Variants in ANKS1A observed in about 807,000 individuals in gnomAD.
ANKS1A encodes the protein ankyrin repeat and SAM domain-containing protein 1A.
Under a neutral mutation model 120.3 loss-of-function variants are expected in ANKS1A, and 55 were observed. That is an observed-to-expected ratio of 0.46 (90% CI 0.37 to 0.57). ANKS1A has a LOEUF of 0.57. Ranked by LOEUF, ANKS1A falls within the 20% of genes least tolerant of loss-of-function variation. The pLI is 0.00. For synonymous variants in ANKS1A, 590 were observed against 604.7 expected (o/e 0.98, Z 0.36); for missense variants, 1,123 against 1,480.3 (o/e 0.76, Z 3.96).
chr6:35,047,562 C>G (rs1775771152), intron 11 of ANKS1A, among the ~76,000 whole-genome samples: 1 of 152,190 alleles, frequency 6.6e-6, no homozygotes, highest in Admixed American at 6.5e-5. Context: ...CCCCACCATG[C>G]CTGGGTGAAA....
Position 35,083,188 on chromosome 6 carries a change from G to A in ANKS1A, c.2869G>A (p.Gly957Arg), listed in dbSNP as rs1561967086. The change falls in exon 19 of 24, where the codon GGG (glycine) becomes AGG (arginine). Residue 957 changes from glycine to arginine, a missense_variant. Gly to Arg is a moderately radical substitution (Grantham distance 125). Coordinates refer to ENST00000360359, the MANE Select transcript of ANKS1A (RefSeq NM_015245.3). ...LGSMLIKDLR[G>R]TESTQDACAK... ...CTCCATGCTGATCAAAGATCTGCGA[G>A]GGACAGAATCCACGCAAGACGCCTG... The A allele has an allele frequency of 6.2e-7, 1 of 1,614,142 alleles. No individual in the cohort carries two copies.
At chr6:34,976,458 C>A (rs1211003202) in intron 3 of ANKS1A, among the ~76,000 whole-genome samples, 1 of 152,096 alleles carries the variant, frequency 6.6e-6, no homozygotes, top group Admixed American at 6.6e-5. Flanking sequence ...CTTAACAATT[C>A]TTCCTTAGTC....
chr6:34,935,652 A>G lies in ANKS1A; in HGVS notation c.198-31587A>G, dbSNP rs546861322. On this transcript the variant is annotated intron_variant, in intron 1 of 23. Coordinates refer to ENST00000360359, the MANE Select transcript of ANKS1A (RefSeq NM_015245.3). ...ATGTATTGCTAAAGGCCGAGTGGAT[A>G]AAATACACAACAGCTTTATAATATT... Among the ~76,000 whole-genome samples the G allele has an allele frequency of 3.3e-5, 5 of 152,356 alleles. No individual in the cohort carries two copies. In the East Asian group the frequency reaches 9.6e-4, roughly 29 times the overall value.
rs1772001986 is a variant in ANKS1A, at chr6:34,983,308, T to G, written c.911-16T>G. ...TGCAGCACTTTTTATTTTTATTTTT[T>G]GATCTTTCCATGTAGATCACATGAC... On this transcript the variant is annotated splice_polypyrimidine_tract_variant and intron_variant, in intron 6 of 23. Coordinates refer to ENST00000360359, the MANE Select transcript of ANKS1A (RefSeq NM_015245.3). 1.2e-6 allele frequency: 2 copies of G among 1,613,258 alleles called. No homozygotes were observed. Among genetic ancestry groups the G allele is most frequent in the Admixed American group, 1.7e-5 (1 of 59,932 alleles).
At position 35,010,923 on chromosome 6, in the gene ANKS1A, C is replaced by T. The variant is rs568372529; in HGVS notation, c.1424-6550C>T. Among the ~76,000 whole-genome samples the T allele has an allele frequency of 2.4e-4, 36 of 152,178 alleles. No individual in the cohort carries two copies. The South Asian group carries it at 2.5e-3, about 11-fold the overall frequency. On this transcript the variant is annotated intron_variant, in intron 10 of 23. Transcript: ENST00000360359. ...AAGAGAGCAGAAGAGATGAGGAAAT[C>T]GATCTTACATAGTTTTCAAGAGATG...
At chr6:34,924,579 G>A (rs9380471) in intron 1 of ANKS1A, among the ~76,000 whole-genome samples, 11,660 of 152,088 alleles carry the variant, frequency 0.077, 656 homozygotes, top group East Asian at 0.33. Context: ...TTTCCAAATC[G>A]GTGACTCCTG....
In ANKS1A at chr6:34,997,039, T is replaced by C. The variant is rs550245680; in HGVS notation, c.1423+2617T>C. Among the ~76,000 whole-genome samples the C allele has an allele frequency of 8.5e-5, 13 of 152,340 alleles. No homozygotes were observed. In the South Asian group the frequency reaches 2.3e-3, roughly 27 times the overall value. ...GTCTTTCCCATTTAGAATCAGCTTA[T>C]TGATTTCTTCTCCATCCCCACACCC... On this transcript the variant is annotated intron_variant, in intron 10 of 23. Transcript: ENST00000360359.
At position 35,060,285 on chromosome 6, in the gene ANKS1A, G is replaced by A; in HGVS notation, c.2184+32G>A. On this transcript the variant is annotated intron_variant, in intron 13 of 23. Coordinates refer to ENST00000360359, the MANE Select transcript of ANKS1A (RefSeq NM_015245.3). The surrounding 1 kb of genome is among the most constrained non-coding windows in gnomAD (Gnocchi z 4.5). ...GGCTGCAGGCCTCCTCAATGGCAGG[G>A]TGCTGCTCAGTGGAAACAGGCCTCC... 1 of 1,579,028 alleles carries A rather than the reference G, an allele frequency of 6.3e-7. No homozygotes were observed. Among genetic ancestry groups the A allele is most frequent in the South Asian group, 1.1e-5 (1 of 87,278 alleles).
At position 35,082,606 on chromosome 6, in the gene ANKS1A, A is replaced by G; in HGVS notation, c.2710-85A>G. 1 of 1,490,538 alleles carries G rather than the reference A, an allele frequency of 6.7e-7. No individual in the cohort carries two copies. Among genetic ancestry groups the G allele is most frequent in the Non-Finnish European group, 8.9e-7 (1 of 1,120,004 alleles). The allele number at this position is 1,490,538 out of a possible 1,614,324, so 92.3% of individuals were successfully genotyped here. ...ACTTGCTAAGGTCACTGGCATCTTC[A>G]CCCTTGAGTGTGCTGGAGCCAGGCA... On this transcript the variant is annotated intron_variant, in intron 17 of 23. Coordinates refer to ENST00000360359, the MANE Select transcript of ANKS1A (RefSeq NM_015245.3). This position sits in a 1 kb window ranked among gnomAD's most constrained non-coding sequence, Gnocchi z 4.1.
At chr6:35,012,186 T>G (rs2127554044) in intron 10 of ANKS1A, among the ~76,000 whole-genome samples, 1 of 152,304 alleles carries the variant, frequency 6.6e-6, no homozygotes, top group Admixed American at 6.5e-5. Context: ...ATTCATTTTT[T>G]GAAAGAGACC....
chr6:34,895,935 G>A (rs372365691), intron 1 of ANKS1A, among the ~76,000 whole-genome samples: 7 of 151,228 alleles, frequency 4.6e-5, no homozygotes, highest in Admixed American at 2.0e-4. Context: ...GATTACAGGC[G>A]CACGTATTTT....
chr6:35,085,901 G>T lies in ANKS1A; in HGVS notation c.3268G>T (p.Val1090Leu). The change falls in exon 22 of 24, where the codon GTG becomes TTG. Residue 1090 changes from valine (V) to leucine (L), a missense_variant. Val to Leu is a conservative substitution (Grantham distance 32). Around this residue, in one of 3 missense-constraint regions of ANKS1A, gnomAD observed 904 missense variants for 1,130.4 expected, o/e 0.80. Coordinates refer to ENST00000360359, the MANE Select transcript of ANKS1A (RefSeq NM_015245.3). This position sits in a 1 kb window ranked among gnomAD's most constrained non-coding sequence, Gnocchi z 4.7. Reference protein sequence around the residue: ...EMIETKSSKPVPKPRVGVRKS... With the variant: ...EMIETKSSKPLPKPRVGVRKS... The stretch of plus-strand genomic sequence containing the variant: ...GATTGAAACAAAATCTTCCAAACCG[G>T]TGCCTAAGCCTCGGGTCGGCGTGAG... The T allele has an allele frequency of 1.9e-6, 3 of 1,612,914 alleles. No homozygotes were observed. The South Asian group carries it at 3.3e-5, about 18-fold the overall frequency.
Position 35,085,680 on chromosome 6 carries a change from GA to G in ANKS1A, c.3133-85del, listed in dbSNP as rs1336365048. 567 of 1,405,318 alleles carry G rather than the reference GA, an allele frequency of 4.0e-4. No individual in the cohort carries two copies. The highest frequency in any genetic ancestry group is 1.1e-3 in the Middle Eastern group (6 of 5,398). 87.1% of individuals were successfully genotyped at this position (1,405,318 alleles called of 1,614,324 possible). A position where few individuals can be genotyped will look rare whatever the true frequency, so the allele number is the denominator to read the frequency against. ...GCGCTCCCGGGTAGACTTAGAGGGG[GA>G]CACATGGTCCCTGCGAGGAAGGGCA... On this transcript the variant is annotated intron_variant, in intron 21 of 23. Coordinates refer to ENST00000360359, the MANE Select transcript of ANKS1A (RefSeq NM_015245.3). This position sits in a 1 kb window ranked among gnomAD's most constrained non-coding sequence, Gnocchi z 4.7.
At chr6:34,933,982 G>A (rs1195046654) in intron 1 of ANKS1A, among the ~76,000 whole-genome samples, 1 of 152,152 alleles carries the variant, frequency 6.6e-6, no homozygotes, top group East Asian at 1.9e-4. Context: ...GAATGAAATG[G>A]AGACGGGAGA....
At chr6:34,901,518 G>C (rs1020949152) in intron 1 of ANKS1A, among the ~76,000 whole-genome samples, 7 of 152,032 alleles carry the variant, frequency 4.6e-5, no homozygotes, top group South Asian at 4.1e-4. Flanking sequence ...TTTTTTTGTT[G>C]TTTCTTTTCT....
chr6:34,929,798 TTCC>T (rs1245588268), intron 1 of ANKS1A, among the ~76,000 whole-genome samples: 2 of 127,298 alleles, frequency 1.6e-5, no homozygotes, highest in Admixed American at 1.5e-4. Context: ...CCCCTTTTCC[TTCC>T]TCCTTCTCTC....
intron 10 of ANKS1A, 135 bp downstream of exon 10, chr6:34,994,557 A>T: frequency 1.5e-6 from 2 of 1,334,210 alleles, no homozygotes; most frequent in Non-Finnish European, 2.0e-6. Flanking sequence ...ATGATCTGGG[A>T]TGGTGGGTCC....
At chr6:34,972,356 A>G (rs1435105304) in intron 3 of ANKS1A, among the ~76,000 whole-genome samples, 1 of 152,132 alleles carries the variant, frequency 6.6e-6, no homozygotes, top group Non-Finnish European at 1.5e-5. Context: ...CAAGTACTAT[A>G]TTGATTCATT....
chr6:34,918,611 G>A (rs773104905), intron 1 of ANKS1A, among the ~76,000 whole-genome samples: 1 of 152,108 alleles, frequency 6.6e-6, no homozygotes, highest in Non-Finnish European at 1.5e-5. Context: ...TCTCAGGATC[G>A]GTTCCATCAG....
Sources: gnomAD v4.1 joint callset for allele counts (sites outside exome capture counted in the v4.1 genomes callset) on GRCh38, gnomAD v4.1.1 for gene constraint, gnomAD v4.1.1 regional missense constraint, Gnocchi (gnomAD v3.1) non-coding constraint, MANE v1.5 for transcripts, NCBI Gene and HGNC (gene_info 2026-07-23, HGNC 2026-07-21) for gene names.